GPHN: variants seen among roughly 807,000 people sequenced by gnomAD.
GPHN encodes the protein gephyrin.
Under a neutral mutation model 95.5 loss-of-function variants are expected in GPHN, and 17 were observed. The observed-to-expected ratio is 0.18, with a 90% confidence interval of 0.12 to 0.27. GPHN has a LOEUF of 0.27. GPHN is among the 10% of genes least tolerant of loss of function. GPHN has a pLI of 1.00. For missense variants in GPHN, 660 were observed against 978.1 expected (o/e 0.67, Z 4.34); for synonymous variants, 320 against 322.5 (o/e 0.99, Z 0.08).
chr14:66,974,211 A>G (rs1157327006), intron 9 of GPHN, among the ~76,000 whole-genome samples: 1 of 152,222 alleles, frequency 6.6e-6, no homozygotes, highest in Non-Finnish European at 1.5e-5. Context: ...CTAGTATGGG[A>G]AAGAATTTAA....
At chr14:67,481,748 C>A in the GPHN span, among the ~76,000 whole-genome samples, 1 of 152,198 alleles carries the variant, frequency 6.6e-6, no homozygotes, top group Non-Finnish European at 1.5e-5. Flanking sequence ...CGGCCTCCAC[C>A]CACCCGACTC....
chr14:67,545,799 G>A, the GPHN span, among the ~76,000 whole-genome samples: 1 of 152,150 alleles, frequency 6.6e-6, no homozygotes, highest in Admixed American at 6.5e-5. Context: ...ACATCTGAAG[G>A]ATATATACAG....
At chr14:66,616,852 C>T (rs577097292) in intron 1 of GPHN, among the ~76,000 whole-genome samples, 5 of 152,228 alleles carry the variant, frequency 3.3e-5, no homozygotes, top group South Asian at 2.1e-4. Context: ...GGATTACAAG[C>T]GTGTGCCACC....
chr14:67,570,763 T>C, the GPHN span: 1 of 152,090 alleles, frequency 6.6e-6, no homozygotes, highest in Non-Finnish European at 1.5e-5. Flanking sequence ...CTGGCTCTGT[T>C]GCCAGGCTGG....
the GPHN span, among the ~76,000 whole-genome samples, chr14:67,201,919 TG>T: frequency 3.2e-4 from 49 of 152,204 alleles, no homozygotes; most frequent in Non-Finnish European, 2.6e-4. Context: ...GAGATTTTAC[TG>T]GCCAAGTTTC....
At chr14:67,725,700 T>G in the GPHN span, among the ~76,000 whole-genome samples, 1 of 152,206 alleles carries the variant, frequency 6.6e-6, no homozygotes, top group African/African-American at 2.4e-5. Context: ...ACCACTGGAT[T>G]CCTAGTGCCC....
intron 1 of GPHN, among the ~76,000 whole-genome samples, chr14:66,643,480 A>G (rs1304174718): frequency 2.6e-5 from 4 of 152,124 alleles, no homozygotes; most frequent in Non-Finnish European, 5.9e-5. Context: ...AACAATCCAA[A>G]TGTCTACTTA....
chr14:66,986,479 A>G (rs754792903), intron 9 of GPHN, among the ~76,000 whole-genome samples: 7 of 152,136 alleles, frequency 4.6e-5, no homozygotes, highest in South Asian at 2.1e-4. Flanking sequence ...TATTTGCTCA[A>G]TATGCCTTGG....
intron 2 of GPHN, 80 bp from the exon 3 acceptor site, chr14:66,776,384 C>T (rs1393789787): frequency 1.2e-6 from 1 of 865,716 alleles, no homozygotes; most frequent in Non-Finnish European, 2.0e-6. Flanking sequence ...TGGTAGCATT[C>T]TGATGGTAAT....
chr14:67,249,310 T>C, the GPHN span, among the ~76,000 whole-genome samples: 1 of 152,160 alleles, frequency 6.6e-6, no homozygotes, highest in Admixed American at 6.6e-5. Flanking sequence ...ATGACAGTAA[T>C]TGTAGTAATG....
At chr14:67,051,625 T>C (rs1391040071) in intron 10 of GPHN, among the ~76,000 whole-genome samples, 1 of 152,006 alleles carries the variant, frequency 6.6e-6, no homozygotes, top group Admixed American at 6.6e-5. Flanking sequence ...AGATACTCCA[T>C]GAGAAGAAAG....
chr14:66,899,570 G>A (rs576412442), intron 5 of GPHN, among the ~76,000 whole-genome samples: 63 of 151,902 alleles, frequency 4.1e-4, no homozygotes, highest in African/African-American at 1.4e-3. Context: ...TGCATATGTT[G>A]ATTTATTTTC....
At position 66,705,088 on chromosome 14, in the gene GPHN, A is replaced by G. The variant is rs571945994; in HGVS notation, c.143+23903A>G. The stretch of plus-strand genomic sequence containing the variant: ...AGAAGAAATGGATAAATTCCTGGAC[A>G]TGTACACCCTCCCAAGACTAAACCA... On this transcript the variant is annotated intron_variant, in intron 2 of 22. Transcript: ENST00000478722. 2.0e-5 allele frequency among the ~76,000 whole-genome samples: 3 copies of G among 152,360 alleles called. No homozygotes were observed. In the South Asian group the frequency reaches 6.2e-4, roughly 32 times the overall value.
chr14:67,196,223 C>CTTTCTTTTTTTTTT, the GPHN span, among the ~76,000 whole-genome samples: 1 of 143,116 alleles, frequency 7.0e-6, no homozygotes, highest in African/African-American at 2.6e-5. Flanking sequence ...TTCTTTCTTT[C>CTTTCTTTTTTTTTT]TTTTTTTTTT....
chr14:66,747,604 TACATTGTAA>T (rs2058202125), intron 2 of GPHN, among the ~76,000 whole-genome samples: 1 of 134,118 alleles, frequency 7.5e-6, no homozygotes, highest in African/African-American at 3.4e-5. Context: ...TCATTTATAG[TACATTGTAA>T]AAAAAAAAAA....
the GPHN span, among the ~76,000 whole-genome samples, chr14:67,264,114 TGTC>T: frequency 6.6e-6 from 1 of 152,238 alleles, no homozygotes; most frequent in Non-Finnish European, 1.5e-5. Flanking sequence ...GATTAGATGA[TGTC>T]GTGGACATGC....
the GPHN span, chr14:67,204,415 G>A: frequency 9.7e-6 from 13 of 1,342,910 alleles, no homozygotes; most frequent in African/African-American, 2.9e-5. Flanking sequence ...GCACTCCAAC[G>A]TGGGCAACAG....
the GPHN span, chr14:67,203,278 A>T: frequency 6.3e-7 from 1 of 1,591,204 alleles, no homozygotes; most frequent in Non-Finnish European, 8.6e-7. Context: ...CCTGCAGAGA[A>T]ACTAGTGCTC....
At chr14:67,268,833 G>A in the GPHN span, among the ~76,000 whole-genome samples, 27 of 152,290 alleles carry the variant, frequency 1.8e-4, no homozygotes, top group Admixed American at 1.2e-3. Flanking sequence ...TGGGAATGCA[G>A]CCCAGTAGGT....
Sources: gnomAD v4.1 joint callset for allele counts (sites outside exome capture counted in the v4.1 genomes callset) on GRCh38, gnomAD v4.1.1 for gene constraint, MANE v1.5 for transcripts, NCBI Gene and HGNC (gene_info 2026-07-23, HGNC 2026-07-21) for gene names.